The following USP3 variants were observed in gnomAD, a reference collection of about 807,000 sequenced individuals.
USP3 encodes the protein ubiquitin specific peptidase 3.
In USP3, 20 loss-of-function variants were observed where a neutral mutation model predicts 72.3. The observed-to-expected ratio is 0.28, with a 90% CI of 0.19 to 0.40. The LOEUF is 0.40. Ranked by LOEUF, USP3 falls within the 10% of genes least tolerant of loss-of-function variation. The probability of loss-of-function intolerance (pLI) is 1.00; values close to 1 mark genes in which losing one functional copy is unlikely to be tolerated. For synonymous variants in USP3, 222 were observed against 225.3 expected (o/e 0.99, Z 0.13); for missense variants, 479 against 633.9 (o/e 0.76, Z 2.62).
At chr15:63,512,550 T>G (rs942257008) in intron 1 of USP3, among the ~76,000 whole-genome samples, 5 of 152,054 alleles carry the variant, frequency 3.3e-5, no homozygotes, top group African/African-American at 1.2e-4. Context: ...GTTCAAGTGA[T>G]TCTCCTGCTT....
intron 1 of USP3, 32 bp downstream of exon 1, chr15:63,504,862 C>T (rs759647507): frequency 1.3e-6 from 2 of 1,538,144 alleles, no homozygotes; most frequent in Non-Finnish European, 1.7e-6. Context: ...CCCCGCAGCG[C>T]ACCCGAGGCC....
intron 6 of USP3, among the ~76,000 whole-genome samples, chr15:63,558,446 T>C (rs2066547930): frequency 6.6e-6 from 1 of 152,148 alleles, no homozygotes; most frequent in Admixed American, 6.5e-5. Flanking sequence ...TGCGGTTATT[T>C]CCGGTTGCTT....
At chr15:63,518,070 A>G (rs1204597698) in intron 1 of USP3, among the ~76,000 whole-genome samples, 1 of 152,102 alleles carries the variant, frequency 6.6e-6, no homozygotes, top group African/African-American at 2.4e-5. Flanking sequence ...AATGTATATC[A>G]TTTGTAATCC....
chr15:63,566,691 C>T (rs914878008), intron 8 of USP3, among the ~76,000 whole-genome samples: 2 of 152,142 alleles, frequency 1.3e-5, no homozygotes, highest in African/African-American at 4.8e-5. Flanking sequence ...AAATACTATG[C>T]TATTGATATT....
chr15:63,588,842 T>TG lies in USP3; in HGVS notation c.1329+28dup. 1 of 1,611,034 alleles carries TG rather than the reference T, an allele frequency of 6.2e-7. No homozygotes were observed. Among genetic ancestry groups the TG allele is most frequent in the Non-Finnish European group, 8.5e-7 (1 of 1,177,466 alleles). ...TAAGGTGGTTACCTTTTTAGCATGG[T>TG]GAAAAAATGGCTCTTCAGTAAGATT... On this transcript the variant is annotated intron_variant, in intron 13 of 14. Coordinates refer to ENST00000380324, the MANE Select transcript of USP3 (RefSeq NM_006537.4). The surrounding 1 kb of genome is among the most constrained non-coding windows in gnomAD (Gnocchi z 4.6).
intron 1 of USP3, among the ~76,000 whole-genome samples, chr15:63,526,878 TG>T (rs142240193): frequency 0.015 from 2,251 of 152,344 alleles, 60 homozygotes; most frequent in African/African-American, 0.051. Context: ...ATCTAACTTT[TG>T]CCAGTCCTTA....
intron 11 of USP3, among the ~76,000 whole-genome samples, chr15:63,583,815 T>A (rs370967788): frequency 7.9e-5 from 12 of 152,338 alleles, no homozygotes; most frequent in East Asian, 5.8e-4. Flanking sequence ...ACTTCCTTTT[T>A]GAGGCTTAAT....
At chr15:63,558,239 G>T (rs560743317) in intron 6 of USP3, 51 bp downstream of exon 6, 16 of 1,594,560 alleles carry the variant, frequency 1.0e-5, no homozygotes, top group Non-Finnish European at 1.3e-5. Flanking sequence ...TTAAGAGCAC[G>T]GGCTCTGGCT....
chr15:63,581,037 C>G (rs2066948790), intron 11 of USP3, among the ~76,000 whole-genome samples: 1 of 152,066 alleles, frequency 6.6e-6, no homozygotes, highest in East Asian at 1.9e-4. Flanking sequence ...GACTCCTGAC[C>G]TCGAGTGATC....
At chr15:63,539,274 A>G (rs937255202) in intron 3 of USP3, among the ~76,000 whole-genome samples, 7 of 152,196 alleles carry the variant, frequency 4.6e-5, no homozygotes, top group African/African-American at 9.6e-5. Context: ...GGGTCACATC[A>G]TCCTATAGTA....
intron 1 of USP3, among the ~76,000 whole-genome samples, chr15:63,516,997 T>A (rs2065858803): frequency 6.6e-6 from 1 of 151,816 alleles, no homozygotes; most frequent in Non-Finnish European, 1.5e-5. Flanking sequence ...ATTTTCTTAT[T>A]TCTTTGCCTT....
chr15:63,562,214 T>C (rs78029984), intron 7 of USP3, among the ~76,000 whole-genome samples: 18,755 of 152,210 alleles, frequency 0.12, 1,595 homozygotes, highest in South Asian at 0.2. Context: ...CAGTTTTTTA[T>C]TGGGAGAGTT....
chr15:63,585,663 G>A (rs1395280406), intron 11 of USP3, among the ~76,000 whole-genome samples: 1 of 152,078 alleles, frequency 6.6e-6, no homozygotes, highest in Non-Finnish European at 1.5e-5. Context: ...CATGGATTGT[G>A]CCTTTGGTGT....
At chr15:63,512,364 CT>C (rs773609007) in intron 1 of USP3, among the ~76,000 whole-genome samples, 2 of 141,154 alleles carry the variant, frequency 1.4e-5, no homozygotes, top group African/African-American at 5.8e-5. Flanking sequence ...TCTTCTTCTT[CT>C]TTCTTCTTTC....
chr15:63,514,428 TTATC>T (rs1159751429), intron 1 of USP3, among the ~76,000 whole-genome samples: 7 of 152,208 alleles, frequency 4.6e-5, no homozygotes, highest in African/African-American at 1.4e-4. Context: ...GAAATATTGA[TTATC>T]TATCCCTCGG....
At chr15:63,513,703 A>G (rs2065818162) in intron 1 of USP3, among the ~76,000 whole-genome samples, 1 of 152,206 alleles carries the variant, frequency 6.6e-6, no homozygotes, top group Admixed American at 6.5e-5. Flanking sequence ...ATAGATTTAA[A>G]TTGTTCATTA....
rs1268663282 is a variant in USP3, at chr15:63,593,121, T to G, written c.*2295T>G. ...AAGAATAAAACTTTGCCATCATGTT[T>G]AGGTCTTACAACTTTGAGTCCTAAA... On this transcript the variant is annotated 3_prime_UTR_variant, in exon 15 of 15. Coordinates refer to ENST00000380324, the MANE Select transcript of USP3 (RefSeq NM_006537.4). 2 of 152,250 alleles carry G rather than the reference T, an allele frequency of 1.3e-5. No individual in the cohort carries two copies. The highest frequency in any genetic ancestry group is 3.8e-4 in the East Asian group (2 of 5,200). The allele number at this position is 152,250 out of a possible 1,614,324, so 9.4% of individuals were successfully genotyped here. A position where few individuals can be genotyped will look rare whatever the true frequency, so the allele number is the denominator to read the frequency against.
At chr15:63,569,365 T>G (rs919978693) in intron 8 of USP3, among the ~76,000 whole-genome samples, 2 of 152,168 alleles carry the variant, frequency 1.3e-5, no homozygotes, top group African/African-American at 2.4e-5. Context: ...AATGCCAGAG[T>G]AACTTCTGAC....
chr15:63,532,419 G>A (rs937093708), intron 1 of USP3: 1 of 592,200 alleles, frequency 1.7e-6, no homozygotes, highest in South Asian at 2.0e-5. Flanking sequence ...AGCTATTTGG[G>A]TTGAGTCAGC....
Sources: allele counts gnomAD v4.1 joint callset (sites outside exome capture counted in the v4.1 genomes callset), GRCh38; gene constraint gnomAD v4.1.1; non-coding constraint Gnocchi (gnomAD v3.1); transcripts MANE v1.5; gene names NCBI Gene and HGNC (gene_info 2026-07-23, HGNC 2026-07-21).